The following PTPRR variants were observed in gnomAD, a reference collection of about 807,000 sequenced individuals.
PTPRR encodes receptor-type tyrosine-protein phosphatase R.
In PTPRR, 38 loss-of-function variants were observed where a neutral mutation model predicts 77.2. That is an observed-to-expected ratio of 0.49 (90% confidence interval 0.38 to 0.65). The LOEUF (loss-of-function observed/expected upper bound fraction) is 0.65, where lower values mean the gene tolerates loss of function less well. Among genes scored for constraint, PTPRR ranks in the 30% least tolerant of loss-of-function variants. The pLI, the probability that PTPRR is intolerant of heterozygous loss-of-function variation, is 0.00. For synonymous variants in PTPRR, 299 were observed against 283.1 expected, an observed-to-expected ratio of 1.06 and a Z score of -0.57; for missense variants, 744 against 799.2, an observed-to-expected ratio of 0.93 and a Z score of 0.83.
chr12:70,830,151 G>A lies in PTPRR; in HGVS notation c.357+62528C>T, dbSNP rs939468514. On this transcript the variant is annotated intron_variant, in intron 2 of 13. Transcript: ENST00000283228. ...TCCTGCGGCAGTATTAGGGCCTGGG[G>A]TAGAAATATTGATGTATTTGTTGAT... 2.0e-5 allele frequency among the ~76,000 whole-genome samples: 3 copies of A among 152,238 alleles called. No homozygotes were observed. In the South Asian group the frequency reaches 6.2e-4, roughly 32 times the overall value.
chr12:70,885,531 A>T (rs1308180167), intron 2 of PTPRR, among the ~76,000 whole-genome samples: 1 of 145,768 alleles, frequency 6.9e-6, no homozygotes, highest in African/African-American at 2.5e-5. Flanking sequence ...TTAACAGTTA[A>T]GGATTTTTTT....
chr12:70,862,751 TA>T (rs11306466), intron 2 of PTPRR, among the ~76,000 whole-genome samples: 45,599 of 150,102 alleles, frequency 0.3, 7,649 homozygotes, highest in African/African-American at 0.44. Flanking sequence ...AATAATAAAA[TA>T]AAAAAAAGGG....
At chr12:70,843,809 T>G (rs1033442883) in intron 2 of PTPRR, among the ~76,000 whole-genome samples, 1 of 96,288 alleles carries the variant, frequency 1.0e-5, no homozygotes, top group East Asian at 2.4e-4. Flanking sequence ...TTGCTGAAAA[T>G]TTTTTTTTTT....
rs1281183168 is a variant in PTPRR, at chr12:70,741,240, GTGT to G, written c.1007+4575_1007+4577del. On this transcript the variant is annotated intron_variant, in intron 6 of 13. Transcript: ENST00000283228. ...ATAAGGAGACAATTCAATCATATAT[GTGT>G]CCTCAAGAAGCTTAGAGTCTATTGG... 7.6e-3 allele frequency among the ~76,000 whole-genome samples: 1,165 copies of G among 152,288 alleles called. 17 individuals are homozygous for G. The highest frequency in any genetic ancestry group is 0.026 in the African/African-American group (1,096 of 41,552).
chr12:70,817,193 G>A (rs1380118849), intron 2 of PTPRR, among the ~76,000 whole-genome samples: 1 of 152,088 alleles, frequency 6.6e-6, no homozygotes, highest in East Asian at 1.9e-4. Flanking sequence ...TTGATACATG[G>A]CAGCCCACAA....
intron 2 of PTPRR, among the ~76,000 whole-genome samples, chr12:70,794,010 C>T (rs1003363597): frequency 2.6e-5 from 4 of 151,606 alleles, no homozygotes; most frequent in African/African-American, 9.7e-5. Context: ...TTGAAGTTCC[C>T]TCATATACCA....
intron 6 of PTPRR, among the ~76,000 whole-genome samples, chr12:70,716,785 C>T (rs925072284): frequency 3.3e-5 from 5 of 152,172 alleles, no homozygotes; most frequent in Non-Finnish European, 7.3e-5. Context: ...GAGTTCAAGG[C>T]TGCAGTGAGC....
At chr12:70,704,606 T>A (rs1457724409) in intron 6 of PTPRR, among the ~76,000 whole-genome samples, 21 of 152,150 alleles carry the variant, frequency 1.4e-4, no homozygotes, top group Non-Finnish European at 2.9e-5. Flanking sequence ...TGAGTTAATT[T>A]TCTAAGGATT....
intron 13 of PTPRR, among the ~76,000 whole-genome samples, chr12:70,644,237 T>G (rs1232444243): frequency 1.3e-5 from 2 of 152,236 alleles, no homozygotes. Context: ...AATTTTATTG[T>G]GCGTCAGATA....
intron 2 of PTPRR, among the ~76,000 whole-genome samples, chr12:70,825,564 G>C (rs1255685267): frequency 6.6e-6 from 1 of 152,200 alleles, no homozygotes; most frequent in East Asian, 1.9e-4. Context: ...TTTAGAGATG[G>C]AGTCATCTGG....
At chr12:70,678,345 T>C (rs1887528069) in intron 10 of PTPRR, among the ~76,000 whole-genome samples, 1 of 152,128 alleles carries the variant, frequency 6.6e-6, no homozygotes. Context: ...CCGGCCAGGA[T>C]AGGTTCTGTT....
chr12:70,783,845 A>G (rs1413541562), intron 2 of PTPRR, among the ~76,000 whole-genome samples: 7 of 44,040 alleles, frequency 1.6e-4, no homozygotes, highest in African/African-American at 5.3e-4. Context: ...TGGAGGGTCT[A>G]AGGCTGTGTG....
intron 5 of PTPRR, among the ~76,000 whole-genome samples, chr12:70,750,895 T>C (rs1455298333): frequency 6.8e-6 from 1 of 146,550 alleles, no homozygotes; most frequent in African/African-American, 2.5e-5. Flanking sequence ...GCCTGGATGA[T>C]TTTTTAAACC....
At chr12:70,732,554 AT>A (rs1033987263) in intron 6 of PTPRR, among the ~76,000 whole-genome samples, 22 of 149,006 alleles carry the variant, frequency 1.5e-4, no homozygotes, top group South Asian at 4.3e-4. Flanking sequence ...GTGAGCATCC[AT>A]TTTTTTTTTG....
At chr12:70,862,098 T>C (rs1892762305) in intron 2 of PTPRR, among the ~76,000 whole-genome samples, 1 of 152,100 alleles carries the variant, frequency 6.6e-6, no homozygotes, top group South Asian at 2.1e-4. Context: ...AGTAAGGTAG[T>C]TGTTCATAGT....
At chr12:70,662,116 T>C (rs981618162) in intron 11 of PTPRR, among the ~76,000 whole-genome samples, 2 of 152,158 alleles carry the variant, frequency 1.3e-5, no homozygotes, top group Non-Finnish European at 2.9e-5. Context: ...GATTTTCTCT[T>C]TCACAGCTTC....
intron 2 of PTPRR, among the ~76,000 whole-genome samples, chr12:70,779,342 C>G (rs574783980): frequency 6.6e-5 from 10 of 152,068 alleles, no homozygotes; most frequent in African/African-American, 1.9e-4. Flanking sequence ...GCACTCTGTC[C>G]TTTTTCCAGT....
chr12:70,700,279 T>C (rs1472147735), intron 7 of PTPRR, among the ~76,000 whole-genome samples: 3 of 152,140 alleles, frequency 2.0e-5, no homozygotes, highest in African/African-American at 4.8e-5. Flanking sequence ...ATGCAAGAGG[T>C]GATCAACAAA....
intron 6 of PTPRR, among the ~76,000 whole-genome samples, chr12:70,726,312 C>A (rs1366060254): frequency 6.6e-6 from 1 of 152,028 alleles, no homozygotes; most frequent in Non-Finnish European, 1.5e-5. Context: ...AATGTATGTA[C>A]AGTGGTTGAC....
Sources: gnomAD v4.1 joint callset for allele counts (sites outside exome capture counted in the v4.1 genomes callset) on GRCh38, gnomAD v4.1.1 for gene constraint, MANE v1.5 for transcripts, NCBI Gene and HGNC (gene_info 2026-07-23, HGNC 2026-07-21) for gene names.